NLRP5: variants seen among roughly 807,000 people sequenced by gnomAD.
NLRP5 encodes NACHT, LRR and PYD domains-containing protein 5.
A neutral mutation model predicts 113.1 loss-of-function variants in NLRP5; 93 were observed. That is an observed-to-expected ratio of 0.82 (90% CI 0.70 to 0.98). The LOEUF (loss-of-function observed/expected upper bound fraction) is 0.98, where lower values mean the gene tolerates loss of function less well. Ranked by LOEUF, NLRP5 falls within the 50% of genes least tolerant of loss-of-function variation. NLRP5 has a pLI of 0.00. For synonymous variants in NLRP5, 751 were observed against 600.7 expected (o/e 1.25, Z -3.66); for missense variants, 1,808 against 1,514.3 (o/e 1.19, Z -3.22).
intron 3 of NLRP5, among the ~76,000 whole-genome samples, chr19:56,010,561 A>G (rs1481606407): frequency 1.3e-5 from 2 of 150,452 alleles, no homozygotes; most frequent in Non-Finnish European, 3.0e-5. Context: ...TCTGACCAAC[A>G]TGGAGACACC....
At chr19:56,014,239 T>C (rs1455655346) in intron 3 of NLRP5, among the ~76,000 whole-genome samples, 1 of 152,090 alleles carries the variant, frequency 6.6e-6, no homozygotes, top group African/African-American at 2.4e-5. Flanking sequence ...CCCAGCACTT[T>C]GGGAGGCCAA....
At chr19:56,033,082 C>T (rs956146554) in intron 8 of NLRP5, among the ~76,000 whole-genome samples, 2 of 151,692 alleles carry the variant, frequency 1.3e-5, no homozygotes, top group Non-Finnish European at 2.9e-5. Context: ...CCCATCTCTA[C>T]TAAAAATACA....
intron 11 of NLRP5, among the ~76,000 whole-genome samples, chr19:56,047,288 G>C (rs916844701): frequency 2.0e-5 from 3 of 152,020 alleles, no homozygotes; most frequent in Admixed American, 1.3e-4. Flanking sequence ...GTTTGGGGTT[G>C]GTTTGCTCTT....
At position 56,027,351 on chromosome 19, in the gene NLRP5, A is replaced by G. The variant is rs766544887; in HGVS notation, c.1118A>G (p.Asn373Ser). The change falls in exon 7 of 15, where the codon AAT becomes AGT. Residue 373 changes from asparagine to serine, a missense_variant. Physicochemically the swap from Asn to Ser is conservative, Grantham distance 46. Transcript: ENST00000390649. Reference sequence around the variant, plus strand: ...GATGACCTGGGCTCTGTCCTCAACAATGACACAAAGCTCTGCAAAGACTGG... The same window carrying G: ...GATGACCTGGGCTCTGTCCTCAACAGTGACACAAAGCTCTGCAAAGACTGG... 3.7e-6 allele frequency: 6 copies of G among 1,613,320 alleles called. No homozygotes were observed. The highest frequency in any genetic ancestry group is 5.1e-6 in the Non-Finnish European group (6 of 1,179,816).
intron 6 of NLRP5, 50 bp downstream of exon 6, chr19:56,020,481 G>A (rs1471512048): frequency 6.4e-7 from 1 of 1,555,116 alleles, no homozygotes; most frequent in Admixed American, 1.7e-5. Flanking sequence ...AGAAAGTTGG[G>A]TGAAAGAAGT....
In NLRP5 at chr19:56,008,814, A is replaced by G; in HGVS notation, c.469A>G (p.Thr157Ala). ...ACATTCACCAGAAGATCCTGAAGCA[A>G]CGATGACTGACCAAGGACCAAGCAA... is the stretch of plus-strand genomic sequence containing the variant. The change falls in exon 3 of 15, where the codon ACG becomes GCG. Residue 157 changes from threonine to alanine, a missense_variant. Coordinates refer to ENST00000390649, the MANE Select transcript of NLRP5 (RefSeq NM_153447.4). 1 of 1,612,256 alleles carries G rather than the reference A, an allele frequency of 6.2e-7. No individual in the cohort carries two copies.
intron 5 of NLRP5, among the ~76,000 whole-genome samples, chr19:56,020,135 C>A (rs1289463945): frequency 1.3e-5 from 2 of 151,794 alleles, no homozygotes; most frequent in Non-Finnish European, 2.9e-5. Flanking sequence ...CCCGACCTAC[C>A]CCTCATTTTA....
chr19:56,052,333 A>T (rs528595005), intron 12 of NLRP5, among the ~76,000 whole-genome samples: 26 of 152,152 alleles, frequency 1.7e-4, no homozygotes, highest in African/African-American at 6.3e-4. Context: ...CAATAGCGCA[A>T]TCTCAGTTCC....
At chr19:56,041,615 G>A (rs1417336688) in intron 11 of NLRP5, among the ~76,000 whole-genome samples, 2 of 152,102 alleles carry the variant, frequency 1.3e-5, no homozygotes, top group Admixed American at 1.3e-4. Context: ...CCCCAGCATT[G>A]GAGAGCACTT....
chr19:56,019,299 A>T, intron 4 of NLRP5, 43 bp from the exon 5 acceptor site: 1 of 1,611,320 alleles, frequency 6.2e-7, no homozygotes, highest in Non-Finnish European at 8.5e-7. Flanking sequence ...CTCTGACTCA[A>T]ATAATAAACA....
In NLRP5 at chr19:56,040,589, A is replaced by T. The variant is rs942697408; in HGVS notation, c.2787-333A>T. Reference sequence around the variant, plus strand: ...CTCAAATAAATAAAAATAAATAAGAAAATAAATAAATTGGAAAAATTACTC... The same window carrying T: ...CTCAAATAAATAAAAATAAATAAGATAATAAATAAATTGGAAAAATTACTC... On this transcript the variant is annotated intron_variant, in intron 10 of 14. Transcript: ENST00000390649. 2.0e-5 allele frequency among the ~76,000 whole-genome samples: 3 copies of T among 152,158 alleles called. No homozygotes were observed. In the South Asian group the frequency reaches 6.2e-4, roughly 32 times the overall value.
intron 14 of NLRP5, among the ~76,000 whole-genome samples, chr19:56,059,658 C>A (rs1011536779): frequency 6.6e-6 from 1 of 152,174 alleles, no homozygotes; most frequent in Non-Finnish European, 1.5e-5. Flanking sequence ...CCTCAGCCTC[C>A]TGAGTGGCTG....
intron 2 of NLRP5, among the ~76,000 whole-genome samples, chr19:56,007,475 G>A (rs139823750): frequency 7.9e-5 from 12 of 151,104 alleles, no homozygotes; most frequent in East Asian, 3.9e-4. Context: ...AGGAGTTGGC[G>A]GAGTTGCCTG....
chr19:56,054,247 T>C (rs1432413770), intron 13 of NLRP5, among the ~76,000 whole-genome samples: 1 of 152,094 alleles, frequency 6.6e-6, no homozygotes, highest in Non-Finnish European at 1.5e-5. Context: ...TAGTGGACTA[T>C]GGTTCAGCCA....
chr19:56,000,302 CATG>C (rs533697437), intron 1 of NLRP5, among the ~76,000 whole-genome samples: 1 of 152,178 alleles, frequency 6.6e-6, no homozygotes, highest in Non-Finnish European at 1.5e-5. Context: ...AGAGGATATT[CATG>C]ATAACATGTT....
chr19:56,055,734 A>G (rs1273728053), intron 13 of NLRP5, among the ~76,000 whole-genome samples: 3 of 150,974 alleles, frequency 2.0e-5, no homozygotes, highest in Admixed American at 6.6e-5. Context: ...TTTAGTAGAG[A>G]CGGGGTTTCA....
At chr19:56,038,387 C>T (rs1297224814) in intron 10 of NLRP5, among the ~76,000 whole-genome samples, 192 bp downstream of exon 10, 2 of 152,122 alleles carry the variant, frequency 1.3e-5, no homozygotes, top group Admixed American at 1.3e-4. Context: ...GTTCTTGCTC[C>T]CAAACTCTAA....
chr19:56,027,586 G>C lies in NLRP5; in HGVS notation c.1353G>C (p.Lys451Asn), dbSNP rs1555767356. The change falls in exon 7 of 15, where the codon AAG becomes AAC. Residue 451 changes from lysine to asparagine, a missense_variant. Coordinates refer to ENST00000390649, the MANE Select transcript of NLRP5 (RefSeq NM_153447.4). Reference sequence around the variant, plus strand: ...AGCGCGGGATTGGTGAGCATCAGAAGACACAAGGGTTGCGTGCGATCATGA... The same window carrying C: ...AGCGCGGGATTGGTGAGCATCAGAACACACAAGGGTTGCGTGCGATCATGA... The C allele has an allele frequency of 2.5e-6, 4 of 1,613,962 alleles. No homozygotes were observed. The Admixed American group carries it at 6.7e-5, about 27-fold the overall frequency.
chr19:56,051,192 T>TTTTG (rs150444653), intron 12 of NLRP5, among the ~76,000 whole-genome samples: 6 of 152,002 alleles, frequency 3.9e-5, no homozygotes, highest in Non-Finnish European at 5.9e-5. Flanking sequence ...CTTTTTTTCT[T>TTTTG]TTTGTTTGTT....
Sources: allele counts gnomAD v4.1 joint callset (sites outside exome capture counted in the v4.1 genomes callset), GRCh38; gene constraint gnomAD v4.1.1; transcripts MANE v1.5; gene names NCBI Gene and HGNC (gene_info 2026-07-23, HGNC 2026-07-21).